EYA1: variants seen among roughly 807,000 people sequenced by gnomAD.
EYA1 encodes protein phosphatase EYA1.
Under a neutral mutation model 82.0 loss-of-function variants are expected in EYA1, and 16 were observed. That is an observed-to-expected ratio of 0.20 (90% CI 0.13 to 0.30). The LOEUF (loss-of-function observed/expected upper bound fraction) is 0.30, where lower values mean the gene tolerates loss of function less well. Ranked by LOEUF, EYA1 falls within the 10% of genes least tolerant of loss-of-function variation. The pLI is 1.00. For missense variants in EYA1, 633 were observed against 730.7 expected, an observed-to-expected ratio of 0.87 and a Z score of 1.54; for synonymous variants, 261 against 264.4, an observed-to-expected ratio of 0.99 and a Z score of 0.12.
At chr8:71,373,376 T>A (rs1371561727) in intron 2 of EYA1, among the ~76,000 whole-genome samples, 1 of 152,034 alleles carries the variant, frequency 6.6e-6, no homozygotes, top group Non-Finnish European at 1.5e-5. Context: ...AGAAAGCAAT[T>A]TCATTTACAA....
intron 2 of EYA1, among the ~76,000 whole-genome samples, chr8:71,464,073 A>G (rs1808606246): frequency 6.6e-6 from 1 of 152,150 alleles, no homozygotes; most frequent in African/African-American, 2.4e-5. Flanking sequence ...TTATTCATGT[A>G]ACTTTCTACT....
intron 2 of EYA1, among the ~76,000 whole-genome samples, chr8:71,421,370 G>A (rs564755758): frequency 6.6e-6 from 1 of 152,210 alleles, no homozygotes; most frequent in South Asian, 2.1e-4. Context: ...TTTACAATGA[G>A]GAAACTGAAG....
At chr8:71,337,006 G>A (rs988180790) in intron 3 of EYA1, among the ~76,000 whole-genome samples, 1 of 152,202 alleles carries the variant, frequency 6.6e-6, no homozygotes, top group African/African-American at 2.4e-5. Flanking sequence ...TTAAAAAGAT[G>A]AGAATGATCT....
Position 71,442,237 on chromosome 8 carries a change from T to C in EYA1, c.34-85726A>G, listed in dbSNP as rs888526278. Among the ~76,000 whole-genome samples, 6 of 152,348 alleles carry C rather than the reference T, an allele frequency of 3.9e-5. No individual in the cohort carries two copies. The East Asian group carries it at 5.8e-4, about 15-fold the overall frequency. ...AAACTCTTCACCCATAACATCTCTT[T>C]TAATTCTTCCAATAGCTCTCTGAGG... On this transcript the variant is annotated intron_variant, in intron 2 of 18. Transcript: ENST00000643681.
chr8:71,300,646 T>C (rs894658052), intron 7 of EYA1, among the ~76,000 whole-genome samples: 1 of 152,122 alleles, frequency 6.6e-6, no homozygotes, highest in African/African-American at 2.4e-5. Context: ...AAAAAAATTA[T>C]AGATTTATAC....
intron 11 of EYA1, among the ~76,000 whole-genome samples, chr8:71,259,091 A>G (rs1373463778): frequency 2.0e-5 from 3 of 152,186 alleles, no homozygotes; most frequent in Non-Finnish European, 4.4e-5. Context: ...AGTATTGGGT[A>G]AGCACACATC....
intron 9 of EYA1, among the ~76,000 whole-genome samples, chr8:71,294,109 T>C (rs1819316577): frequency 1.3e-5 from 2 of 151,344 alleles, no homozygotes; most frequent in Middle Eastern, 3.5e-3. Flanking sequence ...TATAACATAA[T>C]AGATAAAAGT....
chr8:71,383,713 C>T (rs1389555059), intron 2 of EYA1, among the ~76,000 whole-genome samples: 1 of 151,980 alleles, frequency 6.6e-6, no homozygotes, highest in African/African-American at 2.4e-5. Context: ...GAATAATAAA[C>T]ACCAAATCTA....
At chr8:71,289,177 A>G (rs1334972491) in intron 9 of EYA1, among the ~76,000 whole-genome samples, 2 of 152,138 alleles carry the variant, frequency 1.3e-5, no homozygotes, top group African/African-American at 4.8e-5. Context: ...GTTGTTCCCT[A>G]AGCAGGTCCA....
chr8:71,205,841 T>A (rs1051975765), intron 17 of EYA1, among the ~76,000 whole-genome samples: 13 of 152,124 alleles, frequency 8.5e-5, no homozygotes, highest in African/African-American at 3.1e-4. Context: ...AAGAAGAGCA[T>A]GTTGTATTAG....
At chr8:71,362,288 A>G, upstream of EYA1, 7 of 863,028 alleles carry the variant, frequency 8.1e-6, no homozygotes, top group Non-Finnish European at 9.7e-6. Flanking sequence ...GCTGTTTAAA[A>G]AAAAAAAAAT....
At chr8:71,282,935 C>G (rs1481919117) in intron 9 of EYA1, among the ~76,000 whole-genome samples, 1 of 115,942 alleles carries the variant, frequency 8.6e-6, no homozygotes, top group Admixed American at 1.1e-4. Flanking sequence ...TCAACACCAC[C>G]TTGTTTTTTT....
intron 3 of EYA1, among the ~76,000 whole-genome samples, chr8:71,338,269 A>G (rs1309852082): frequency 6.6e-6 from 1 of 152,270 alleles, no homozygotes; most frequent in East Asian, 1.9e-4. Context: ...GCAGGACCAA[A>G]TTGTGATTAT....
chr8:71,279,178 A>G (rs1380876301), intron 9 of EYA1, among the ~76,000 whole-genome samples: 2 of 152,210 alleles, frequency 1.3e-5, no homozygotes, highest in Non-Finnish European at 2.9e-5. Context: ...CTAATCAATA[A>G]TTATATTCTA....
intron 2 of EYA1, among the ~76,000 whole-genome samples, chr8:71,368,990 C>T (rs544825445): frequency 1.4e-5 from 2 of 145,192 alleles, no homozygotes; most frequent in African/African-American, 5.2e-5. Context: ...AGTTCGAGAC[C>T]AGCCTGACCA....
At chr8:71,471,528 T>C (rs1809210411) in intron 2 of EYA1, among the ~76,000 whole-genome samples, 1 of 152,094 alleles carries the variant, frequency 6.6e-6, no homozygotes, top group African/African-American at 2.4e-5. Flanking sequence ...AAATTAAACC[T>C]GGGAAAATAA....
intron 2 of EYA1, among the ~76,000 whole-genome samples, chr8:71,391,312 C>T (rs183948929): frequency 3.9e-5 from 6 of 152,164 alleles, no homozygotes; most frequent in South Asian, 2.1e-4. Flanking sequence ...TAATAGCTTC[C>T]GTTTCACTGT....
chr8:71,374,985 A>ACCAGGTCAGGTACCCCCACC (rs1251161573), intron 2 of EYA1, among the ~76,000 whole-genome samples: 1 of 152,164 alleles, frequency 6.6e-6, no homozygotes, highest in Non-Finnish European at 1.5e-5. Flanking sequence ...TACCAGGGGC[A>ACCAGGTCAGGTACCCCCACC]AGGGAGGGGA....
intron 2 of EYA1, among the ~76,000 whole-genome samples, chr8:71,370,087 T>G (rs1827993837): frequency 6.6e-6 from 1 of 152,120 alleles, no homozygotes; most frequent in Non-Finnish European, 1.5e-5. Flanking sequence ...TATTCTTCCC[T>G]AAGTATACTG....
Sources: allele counts gnomAD v4.1 joint callset (sites outside exome capture counted in the v4.1 genomes callset), GRCh38; gene constraint gnomAD v4.1.1; transcripts MANE v1.5; gene names NCBI Gene and HGNC (gene_info 2026-07-23, HGNC 2026-07-21).